KIF22: variants seen among roughly 807,000 people sequenced by gnomAD.
The protein encoded by KIF22 is kinesin family member 22.
In KIF22, 62 loss-of-function variants were observed where a neutral mutation model predicts 73.0. The ratio of observed to expected loss-of-function variants is 0.85; its 90% confidence interval spans 0.69 to 1.05. The LOEUF (loss-of-function observed/expected upper bound fraction) is 1.05. KIF22 is among the 50% of genes least tolerant of loss of function. The probability of loss-of-function intolerance (pLI) is 0.00; values close to 1 mark genes in which losing one functional copy is unlikely to be tolerated. For missense variants in KIF22, 854 were observed against 870.1 expected (o/e 0.98, Z 0.23); for synonymous variants, 411 against 340.1 (o/e 1.21, Z -2.29).
At position 29,803,518 on chromosome 16, in the gene KIF22, C is replaced by A; in HGVS notation, c.1519C>A (p.His507Asn). 1 of 1,614,182 alleles carries A rather than the reference C, an allele frequency of 6.2e-7. No individual in the cohort carries two copies. Among genetic ancestry groups the A allele is most frequent in the East Asian group, 2.2e-5 (1 of 44,880 alleles). ...CCAGAAGGCTGAGGAAAAGGAGAACCATTGTCCCACAATGCTCCGGCCCCT... is the reference window on the plus strand; with the variant it reads ...CCAGAAGGCTGAGGAAAAGGAGAACAATTGTCCCACAATGCTCCGGCCCCT... ...LAQKAEEKENHCPTMLRPLSH... is the reference protein window; with the variant it reads ...LAQKAEEKENNCPTMLRPLSH... The change falls in exon 10 of 14, where the codon CAT becomes AAT. Residue 507 changes from histidine (H) to asparagine (N), a missense_variant. By Grantham distance (68) the His-to-Asn change is moderately conservative (BLOSUM62 1). Transcript: ENST00000160827.
rs373506513 is a variant in KIF22, at chr16:29,803,488, T to C, written c.1489T>C (p.Leu497=). The C allele has an allele frequency of 8.7e-6, 14 of 1,614,194 alleles. No homozygotes were observed. Among genetic ancestry groups the C allele is most frequent in the South Asian group, 3.3e-5 (3 of 91,080 alleles). Reference sequence around the variant, plus strand: ...GCAAAAAGAACTGGAGGCCAAGATGTTGGCCCAGAAGGCTGAGGAAAAGGA... The same window carrying C: ...GCAAAAAGAACTGGAGGCCAAGATGCTGGCCCAGAAGGCTGAGGAAAAGGA... ...TKQKELEAKM[L]AQKAEEKENH... Residue 497 remains leucine, a synonymous_variant, in exon 10 of 14, where the codon TTG becomes CTG. Coordinates refer to ENST00000160827, the MANE Select transcript of KIF22 (RefSeq NM_007317.3).
intron 11 of KIF22, 111 bp from the exon 12 acceptor site, chr16:29,804,703 G>A (rs1899289516): frequency 4.8e-6 from 4 of 840,036 alleles, no homozygotes; most frequent in Admixed American, 2.0e-5. Flanking sequence ...CTTGACAAGA[G>A]AGGAAGAGGC....
Position 29,797,104 on chromosome 16 carries a change from C to G in KIF22, c.266+16C>G. ...TCAAATACCAGTAAGGTTCAGGCCA[C>G]TCCTCTTCCCTCATGCCATCACCTC... On this transcript the variant is annotated intron_variant, in intron 2 of 13. Transcript: ENST00000160827. The surrounding 1 kb of genome is among the most constrained non-coding windows in gnomAD (Gnocchi z 4.1). The G allele has an allele frequency of 6.5e-7, 1 of 1,532,030 alleles. No homozygotes were observed. The highest frequency in any genetic ancestry group is 8.8e-7 in the Non-Finnish European group (1 of 1,133,594). The allele number at this position is 1,532,030 out of a possible 1,614,324, so 94.9% of individuals were successfully genotyped here.
At chr16:29,803,965 G>T in intron 10 of KIF22, 33 bp from the exon 11 acceptor site, 1 of 1,566,414 alleles carries the variant, frequency 6.4e-7, no homozygotes, top group South Asian at 1.1e-5. Flanking sequence ...AGTACCCTTT[G>T]CCCTGACTCC....
intron 8 of KIF22, among the ~76,000 whole-genome samples, chr16:29,802,091 A>AC (rs1899156028): frequency 6.6e-6 from 1 of 151,596 alleles, no homozygotes; most frequent in South Asian, 2.1e-4. Flanking sequence ...ACATAGTAAG[A>AC]CCCCATCTCT....
Position 29,805,109 on chromosome 16 carries a change from C to T in KIF22, c.1891-6C>T, listed in dbSNP as rs780853571. 4 of 1,613,298 alleles carry T rather than the reference C, an allele frequency of 2.5e-6. No homozygotes were observed. Among genetic ancestry groups the T allele is most frequent in the East Asian group, 2.2e-5 (1 of 44,832 alleles). On this transcript the variant is annotated splice_polypyrimidine_tract_variant and splice_region_variant and intron_variant, in intron 12 of 13. Coordinates refer to ENST00000160827, the MANE Select transcript of KIF22 (RefSeq NM_007317.3). ...ACCCTGTCCCCTATCGATCCTGTCCCGCCAGGTGGAGGACCTGGAACGCGT... is the reference window on the plus strand; with the variant it reads ...ACCCTGTCCCCTATCGATCCTGTCCTGCCAGGTGGAGGACCTGGAACGCGT...
intron 10 of KIF22, 75 bp downstream of exon 10, chr16:29,803,683 T>C (rs1899226774): frequency 8.2e-7 from 1 of 1,217,158 alleles, no homozygotes; most frequent in African/African-American, 1.5e-5. Flanking sequence ...GGAGCAGCTG[T>C]CTCCATGTCA....
chr16:29,791,244 T>A, intron 1 of KIF22: 4 of 1,040,542 alleles, frequency 3.8e-6, no homozygotes, highest in Non-Finnish European at 4.6e-6. Context: ...AAGGGTTCTG[T>A]GTGGGACATG....
At chr16:29,790,988 G>C in intron 1 of KIF22, 159 bp downstream of exon 1, 1 of 1,460,826 alleles carries the variant, frequency 6.8e-7, no homozygotes. Flanking sequence ...GTCGCGAGCC[G>C]GTCGCCCCGC....
At chr16:29,804,449 T>G in intron 11 of KIF22, 1 of 631,716 alleles carries the variant, frequency 1.6e-6, no homozygotes, top group Non-Finnish European at 2.9e-6. Flanking sequence ...GAGGTATCAT[T>G]TATTCATATT....
chr16:29,798,567 C>T lies in KIF22; in HGVS notation c.395-26C>T. On this transcript the variant is annotated intron_variant, in intron 3 of 13. Transcript: ENST00000160827. This position sits in a 1 kb window ranked among gnomAD's most constrained non-coding sequence, Gnocchi z 4.1. ...GCTGGGGAAACGGAGAGGAAAACCTCACAGTTTTCTCCACTCTCTTCCCAG... is the reference window on the plus strand; with the variant it reads ...GCTGGGGAAACGGAGAGGAAAACCTTACAGTTTTCTCCACTCTCTTCCCAG... 1.2e-6 allele frequency: 2 copies of T among 1,613,766 alleles called. No homozygotes were observed. The highest frequency in any genetic ancestry group is 1.3e-5 in the African/African-American group (1 of 75,038).
chr16:29,800,629 G>T, intron 8 of KIF22, among the ~76,000 whole-genome samples: 1 of 152,156 alleles, frequency 6.6e-6, no homozygotes, highest in East Asian at 1.9e-4. Flanking sequence ...GCCAGGCATG[G>T]TAGTGGGCAC....
intron 1 of KIF22, 168 bp downstream of exon 1, chr16:29,790,997 G>A: frequency 1.4e-6 from 2 of 1,459,694 alleles, no homozygotes; most frequent in South Asian, 1.4e-5. Context: ...CGGTCGCCCC[G>A]CCTGGCTCCT....
At position 29,805,007 on chromosome 16, in the gene KIF22, T is replaced by G. The variant is rs1899311779; in HGVS notation, c.1871T>G (p.Leu624Arg). Reference protein sequence around the residue: ...KAQLIVGWRELHGPFSQVEDL... With the variant: ...KAQLIVGWRERHGPFSQVEDL... ...CAGCTAATCGTGGGCTGGCGGGAGC[T>G]CCACGGCCCCTTCAGCCAGGTAGCA... The change falls in exon 12 of 14, where the codon CTC becomes CGC. Residue 624 changes from leucine (L) to arginine (R), a missense_variant. Physicochemically the swap from Leu to Arg is moderately radical, Grantham distance 102 (BLOSUM62 -2). Around this residue, in one of 3 missense-constraint regions of KIF22, gnomAD observed 423 missense variants for 365.4 expected, o/e 1.16. Transcript: ENST00000160827. The G allele has an allele frequency of 7.0e-7, 1 of 1,435,374 alleles. No homozygotes were observed. Among genetic ancestry groups the G allele is most frequent in the Non-Finnish European group, 9.4e-7 (1 of 1,069,286 alleles). 88.9% of individuals were successfully genotyped at this position (1,435,374 alleles called of 1,614,324 possible). A position where few individuals can be genotyped will look rare whatever the true frequency, so the allele number is the denominator to read the frequency against.
chr16:29,804,629 C>G (rs1567362942), intron 11 of KIF22, 185 bp from the exon 12 acceptor site: 1 of 700,592 alleles, frequency 1.4e-6, no homozygotes, highest in East Asian at 2.7e-5. Flanking sequence ...TAGTACCTCT[C>G]TTTCACTAGT....
At chr16:29,801,114 C>T (rs753620465) in intron 8 of KIF22, among the ~76,000 whole-genome samples, 10 of 152,168 alleles carry the variant, frequency 6.6e-5, no homozygotes, top group Non-Finnish European at 1.0e-4. Context: ...GAGCCAGCTG[C>T]TGTCCTAACT....
At position 29,797,622 on chromosome 16, in the gene KIF22, A is replaced by G. The variant is rs1429970318; in HGVS notation, c.266+534A>G. On this transcript the variant is annotated intron_variant, in intron 2 of 13. Transcript: ENST00000160827. This position sits in a 1 kb window ranked among gnomAD's most constrained non-coding sequence, Gnocchi z 4.1. ...AAATAAAATTTTATCGTTTATTTAC[A>G]TATTGTCTATAGCTGCTTTCTGACT... is the stretch of plus-strand genomic sequence containing the variant. Among the ~76,000 whole-genome samples, 2 of 152,210 alleles carry G rather than the reference A, an allele frequency of 1.3e-5. No homozygotes were observed. The highest frequency in any genetic ancestry group is 1.9e-4 in the East Asian group (1 of 5,200).
At chr16:29,796,287 AC>A (rs1898949460) in intron 1 of KIF22, among the ~76,000 whole-genome samples, 2 of 135,730 alleles carry the variant, frequency 1.5e-5, no homozygotes, top group East Asian at 4.4e-4. Flanking sequence ...AAAAAAAAAC[AC>A]ACACACACAC....
At chr16:29,804,578 A>ACTCCAT in intron 11 of KIF22, 1 of 689,102 alleles carries the variant, frequency 1.5e-6, no homozygotes, top group Non-Finnish European at 2.7e-6. Flanking sequence ...CTCCACAGCA[A>ACTCCAT]CTCCATGAGA....
Sources: allele counts gnomAD v4.1 joint callset (sites outside exome capture counted in the v4.1 genomes callset), GRCh38; gene constraint gnomAD v4.1.1; regional missense constraint gnomAD v4.1.1; non-coding constraint Gnocchi (gnomAD v3.1); transcripts MANE v1.5; gene names NCBI Gene and HGNC (gene_info 2026-07-23, HGNC 2026-07-21).